Variants in MACROD2 observed in about 807,000 individuals in gnomAD.
MACROD2 encodes mono-ADP ribosylhydrolase 2.
Under a neutral mutation model 70.4 loss-of-function variants are expected in MACROD2, and 36 were observed. That is an observed-to-expected ratio of 0.51 (90% CI 0.39 to 0.68). The LOEUF is 0.68. Ranked by LOEUF, MACROD2 falls within the 30% of genes least tolerant of loss-of-function variation. The pLI is 0.00. For missense variants in MACROD2, 496 were observed against 538.4 expected, an observed-to-expected ratio of 0.92 and a Z score of 0.78; for synonymous variants, 172 against 178.8, an observed-to-expected ratio of 0.96 and a Z score of 0.30.
chr20:14,527,567 A>G (rs1237531937), intron 4 of MACROD2, among the ~76,000 whole-genome samples: 1 of 152,224 alleles, frequency 6.6e-6, no homozygotes, highest in South Asian at 2.1e-4. Flanking sequence ...TCAACGAATT[A>G]TACTGACATT....
At chr20:14,254,570 C>T (rs918298603) in intron 3 of MACROD2, among the ~76,000 whole-genome samples, 1 of 151,956 alleles carries the variant, frequency 6.6e-6, no homozygotes, top group African/African-American at 2.4e-5. Flanking sequence ...AGGAGAGTTA[C>T]CTTTTATCTA....
chr20:15,680,042 A>G (rs2146856153), intron 8 of MACROD2, among the ~76,000 whole-genome samples: 1 of 152,294 alleles, frequency 6.6e-6, no homozygotes, highest in Non-Finnish European at 1.5e-5. Context: ...CCCTGAAGTC[A>G]TGGATGCACC....
At chr20:15,117,682 C>T (rs1194544717) in intron 5 of MACROD2, among the ~76,000 whole-genome samples, 1 of 152,124 alleles carries the variant, frequency 6.6e-6, no homozygotes, top group Non-Finnish European at 1.5e-5. Context: ...CTAAAAGGTA[C>T]AGAGATAGAT....
chr20:15,047,372 G>A (rs2075403164), intron 5 of MACROD2, among the ~76,000 whole-genome samples: 1 of 151,936 alleles, frequency 6.6e-6, no homozygotes, highest in Non-Finnish European at 1.5e-5. Flanking sequence ...CCTACTGAAG[G>A]ACAAAACACT....
chr20:15,436,066 A>T (rs983577387), intron 7 of MACROD2, among the ~76,000 whole-genome samples: 2 of 152,108 alleles, frequency 1.3e-5, no homozygotes, highest in African/African-American at 4.8e-5. Flanking sequence ...GTTGAAACCT[A>T]ACTTTCCTTT....
At chr20:15,701,173 C>A (rs1435076009) in intron 8 of MACROD2, among the ~76,000 whole-genome samples, 1 of 152,130 alleles carries the variant, frequency 6.6e-6, no homozygotes, top group African/African-American at 2.4e-5. Flanking sequence ...ATGTATTGTC[C>A]ATAGCAGCTT....
intron 10 of MACROD2, among the ~76,000 whole-genome samples, chr20:15,901,201 G>T (rs992580121): frequency 7.9e-5 from 12 of 151,890 alleles, no homozygotes; most frequent in Admixed American, 7.9e-4. Flanking sequence ...GCCCCCAGTT[G>T]CACTAATTCC....
At chr20:14,898,604 A>C (rs559208412) in intron 5 of MACROD2, among the ~76,000 whole-genome samples, 15 of 152,298 alleles carry the variant, frequency 9.8e-5, no homozygotes, top group Middle Eastern at 3.4e-3. Context: ...TTTCAAAAAA[A>C]TACAAAAATT....
At chr20:15,540,754 A>G (rs2146566625) in intron 8 of MACROD2, among the ~76,000 whole-genome samples, 1 of 152,334 alleles carries the variant, frequency 6.6e-6, no homozygotes, top group African/African-American at 2.4e-5. Flanking sequence ...CTGTGAGAAT[A>G]GAGTCGGTTC....
At chr20:15,304,357 A>G (rs759271151) in intron 6 of MACROD2, among the ~76,000 whole-genome samples, 1 of 152,172 alleles carries the variant, frequency 6.6e-6, no homozygotes, top group Non-Finnish European at 1.5e-5. Flanking sequence ...AAGTGAACAC[A>G]TGTTTTATAA....
At chr20:14,443,497 A>G (rs1412373381) in intron 3 of MACROD2, among the ~76,000 whole-genome samples, 2 of 151,722 alleles carry the variant, frequency 1.3e-5, no homozygotes, top group Admixed American at 1.3e-4. Flanking sequence ...GGTTTTCACT[A>G]TGTTGGTCAG....
intron 3 of MACROD2, among the ~76,000 whole-genome samples, chr20:14,467,091 G>C (rs2084461255): frequency 6.6e-6 from 1 of 152,172 alleles, no homozygotes; most frequent in Non-Finnish European, 1.5e-5. Flanking sequence ...GTCTGCAGAG[G>C]TTATTGCTAT....
chr20:15,326,297 T>C (rs559880202), intron 6 of MACROD2, among the ~76,000 whole-genome samples: 1 of 152,196 alleles, frequency 6.6e-6, no homozygotes, highest in Admixed American at 6.6e-5. Context: ...AGTTTAAAAT[T>C]CCAGCTTTAC....
intron 4 of MACROD2, among the ~76,000 whole-genome samples, chr20:14,543,956 G>A (rs890709676): frequency 1.1e-4 from 17 of 152,146 alleles, no homozygotes; most frequent in Admixed American, 1.1e-3. Context: ...CCCCAAGTCA[G>A]TCAATTCAAC....
At chr20:14,858,670 G>A (rs1192596855) in intron 5 of MACROD2, among the ~76,000 whole-genome samples, 4 of 152,214 alleles carry the variant, frequency 2.6e-5, no homozygotes, top group South Asian at 2.1e-4. Context: ...CCACTTGCCC[G>A]TGTGAATGCA....
intron 7 of MACROD2, among the ~76,000 whole-genome samples, chr20:15,464,955 C>A (rs371141704): frequency 7.9e-5 from 12 of 152,142 alleles, no homozygotes; most frequent in African/African-American, 2.9e-4. Context: ...GAGGCACTTA[C>A]CTCCCGTGGA....
chr20:15,342,266 A>G (rs769761336), intron 6 of MACROD2, among the ~76,000 whole-genome samples: 2 of 152,212 alleles, frequency 1.3e-5, no homozygotes, highest in Non-Finnish European at 2.9e-5. Context: ...AGGTATAACT[A>G]CTGACAAATG....
intron 4 of MACROD2, among the ~76,000 whole-genome samples, chr20:14,667,757 ACTTT>A (rs1215809874): frequency 2.0e-5 from 3 of 152,102 alleles, no homozygotes; most frequent in Non-Finnish European, 2.9e-5. Flanking sequence ...AATGAACAAA[ACTTT>A]CTTTATGGAC....
intron 4 of MACROD2, among the ~76,000 whole-genome samples, chr20:14,681,912 A>C (rs1356735995): frequency 1.3e-5 from 2 of 152,172 alleles, no homozygotes; most frequent in African/African-American, 4.8e-5. Flanking sequence ...TGTGAATGTA[A>C]GCAAGTTACT....
Sources: gnomAD v4.1 joint callset for allele counts (sites outside exome capture counted in the v4.1 genomes callset) on GRCh38, gnomAD v4.1.1 for gene constraint, MANE v1.5 for transcripts, NCBI Gene and HGNC (gene_info 2026-07-23, HGNC 2026-07-21) for gene names.